Variants in MATN4 observed in about 807,000 individuals in gnomAD.
MATN4 encodes matrilin 4, also known as matrilin-4.
Under a neutral mutation model 54.6 loss-of-function variants are expected in MATN4, and 40 were observed. That is an observed-to-expected ratio of 0.73 (90% CI 0.57 to 0.95). The LOEUF is 0.95. MATN4 is among the 40% of genes least tolerant of loss of function. MATN4 has a pLI of 0.00. For missense variants in MATN4, 810 were observed against 819.1 expected (o/e 0.99, Z 0.13); for synonymous variants, 351 against 345.3 (o/e 1.02, Z -0.18).
chr20:45,298,402 AGGGAACTC>A lies in MATN4; in HGVS notation c.1186_1193del (p.Glu396SerfsTer50). On this transcript the variant is annotated frameshift_variant, in exon 7 of 10. Coordinates refer to ENST00000372756, the MANE Select transcript of MATN4 (RefSeq NM_001393530.1). LOFTEE classifies it high-confidence loss of function. This position sits in a 1 kb window ranked among gnomAD's most constrained non-coding sequence, Gnocchi z 4.6. The stretch of plus-strand genomic sequence containing the variant: ...CGGCTGCGGTGCCGTAGCGACCCAG[AGGGAACTC>A]GGTGCGCACGCGGCTCGAGAACTGC... The A allele has an allele frequency of 6.2e-7, 1 of 1,612,770 alleles. No homozygotes were observed.
intron 1 of MATN4, among the ~76,000 whole-genome samples, chr20:45,307,775 A>C (rs1223264839): frequency 6.6e-6 from 1 of 152,206 alleles, no homozygotes; most frequent in African/African-American, 2.4e-5. Context: ...GTCTTGCTGA[A>C]GGGTACATGG....
intron 6 of MATN4, among the ~76,000 whole-genome samples, chr20:45,300,259 G>A (rs1451595096): frequency 6.6e-6 from 1 of 152,156 alleles, no homozygotes; most frequent in Non-Finnish European, 1.5e-5. Flanking sequence ...TTGGGATCTG[G>A]GGAGATCCTG....
chr20:45,305,755 GAATTA>G (rs1986579642), intron 1 of MATN4, 139 bp from the exon 2 acceptor site: 1 of 283,186 alleles, frequency 3.5e-6, no homozygotes, highest in Admixed American at 5.3e-5. Flanking sequence ...AAATGTTTCA[GAATTA>G]AAAAATTCTC....
Position 45,298,594 on chromosome 20 carries a change from A to G in MATN4, c.1013-11T>C. 5 of 1,522,678 alleles carry G rather than the reference A, an allele frequency of 3.3e-6. No homozygotes were observed. The highest frequency in any genetic ancestry group is 4.4e-6 in the Non-Finnish European group (5 of 1,133,732). 94.3% of individuals were successfully genotyped at this position (1,522,678 alleles called of 1,614,324 possible). On this transcript the variant is annotated splice_polypyrimidine_tract_variant and intron_variant, in intron 6 of 9. Coordinates refer to ENST00000372756, the MANE Select transcript of MATN4 (RefSeq NM_001393530.1). The surrounding 1 kb of genome is among the most constrained non-coding windows in gnomAD (Gnocchi z 4.6). Reference sequence around the variant, plus strand: ...GGCCTTCCCGGCACCCTGCACAGCCAGAAAAGCTTGAATTGAGGGACCAGA... The same window carrying G: ...GGCCTTCCCGGCACCCTGCACAGCCGGAAAAGCTTGAATTGAGGGACCAGA...
chr20:45,295,290 C>T (rs192574108), intron 8 of MATN4, among the ~76,000 whole-genome samples: 19 of 152,326 alleles, frequency 1.2e-4, no homozygotes, highest in African/African-American at 4.6e-4. Context: ...GTCCTTGGAC[C>T]AGCAGCATCG....
intron 1 of MATN4, chr20:45,306,860 G>T: frequency 8.2e-7 from 1 of 1,215,354 alleles, no homozygotes; most frequent in East Asian, 3.1e-5. Flanking sequence ...GGGTTCCAGC[G>T]ACAGCAGCAC....
Position 45,303,103 on chromosome 20 carries a change from A to AG in MATN4, c.643+1124_643+1125insC, listed in dbSNP as rs1436306279. The stretch of plus-strand genomic sequence containing the variant: ...GTCTCAAAAAAAAAAAAAAAAAAAA[A>AG]AGAGAGAGAGAAAAGAAAAGAAGAA... On this transcript the variant is annotated intron_variant, in intron 3 of 9. Coordinates refer to ENST00000372756, the MANE Select transcript of MATN4 (RefSeq NM_001393530.1). Among the ~76,000 whole-genome samples the AG allele has an allele frequency of 1.0e-3, 89 of 87,428 alleles. 1 individual carries two copies. The highest frequency in any genetic ancestry group is 1.5e-3 in the Non-Finnish European group (63 of 40,784). The allele number at this position is 87,428 out of a possible 152,430, so 57.4% of individuals were successfully genotyped here. A position where few individuals can be genotyped will look rare whatever the true frequency, so the allele number is the denominator to read the frequency against.
chr20:45,306,049 CCCACCTCGG>C (rs1986640089), intron 1 of MATN4, among the ~76,000 whole-genome samples: 1 of 152,010 alleles, frequency 6.6e-6, no homozygotes, highest in South Asian at 2.1e-4. Flanking sequence ...AGGTGATCCT[CCCACCTCGG>C]CCTCCCAGAA....
At chr20:45,303,634 G>T in intron 3 of MATN4, 3 of 608,846 alleles carry the variant, frequency 4.9e-6, no homozygotes, top group Non-Finnish European at 9.1e-6. Context: ...AGAAGGAAAT[G>T]ACTAATTTGA....
chr20:45,308,512 G>A, upstream of MATN4: 1 of 509,706 alleles, frequency 2.0e-6, no homozygotes, highest in Non-Finnish European at 3.6e-6. Flanking sequence ...AGACTGGGGA[G>A]ACCGGGGCAG....
At chr20:45,308,327 T>A, upstream of MATN4, 1 of 994,280 alleles carries the variant, frequency 1.0e-6, no homozygotes, top group Non-Finnish European at 1.6e-6. Flanking sequence ...CGGCCGCATT[T>A]AACCCAGGGC....
intron 6 of MATN4, among the ~76,000 whole-genome samples, chr20:45,299,307 G>A (rs1481501180): frequency 1.3e-5 from 2 of 152,186 alleles, no homozygotes; most frequent in Non-Finnish European, 2.9e-5. Flanking sequence ...GAGCAAGTCA[G>A]ACATGCTATG....
Position 45,305,533 on chromosome 20 carries a change from C to T in MATN4, c.50G>A (p.Trp17Ter). 2 of 1,557,330 alleles carry T rather than the reference C, an allele frequency of 1.3e-6. No homozygotes were observed. Among genetic ancestry groups the T allele is most frequent in the Non-Finnish European group, 8.7e-7 (1 of 1,150,390 alleles). Reference protein sequence around the residue: ...WPVLLLLLQPWETQLQLTGPR... With the variant: ...WPVLLLLLQP ...ACCTGTCAACTGGAGCTGGGTTTCC[C>T]AGGGCTGAAGAAGGAGCAGCAACAC... Residue 17 changes from tryptophan to a stop codon, truncating the protein, a stop_gained, in exon 2 of 10, where the codon TGG becomes TAG. Coordinates refer to ENST00000372756, the MANE Select transcript of MATN4 (RefSeq NM_001393530.1). LOFTEE classifies it high-confidence loss of function.
rs772922887 is a variant in MATN4, at chr20:45,298,220, C to T, written c.1376G>A (p.Gly459Asp). ...VPRVGLVFTDGRSQDDISVWA... is the reference protein window; with the variant it reads ...VPRVGLVFTDDRSQDDISVWA... ...CACCGAGATGTCATCCTGGGAGCGGCCATCCGTGAAGACCAGGCCAACACG... is the reference window on the plus strand; with the variant it reads ...CACCGAGATGTCATCCTGGGAGCGGTCATCCGTGAAGACCAGGCCAACACG... The change falls in exon 7 of 10, where the codon GGC (glycine) becomes GAC (aspartate). Residue 459 changes from glycine to aspartate, a missense_variant. Gly to Asp is a moderately conservative substitution (Grantham distance 94). Coordinates refer to ENST00000372756, the MANE Select transcript of MATN4 (RefSeq NM_001393530.1). This position sits in a 1 kb window ranked among gnomAD's most constrained non-coding sequence, Gnocchi z 4.6. The T allele has an allele frequency of 5.6e-6, 9 of 1,605,554 alleles. No individual in the cohort carries two copies. In the East Asian group the frequency reaches 2.0e-4, roughly 36 times the overall value.
chr20:45,293,707 G>A lies in MATN4; in HGVS notation c.*60C>T. The stretch of plus-strand genomic sequence containing the variant: ...TGCCTGGCCCCGGCGCACCGATGGC[G>A]CGCAAGGGGCACCGTCCGTGGTGCC... On this transcript the variant is annotated 3_prime_UTR_variant, in exon 10 of 10. Coordinates refer to ENST00000372756, the MANE Select transcript of MATN4 (RefSeq NM_001393530.1). 6.8e-7 allele frequency: 1 copy of A among 1,471,944 alleles called. No individual in the cohort carries two copies. The allele number at this position is 1,471,944 out of a possible 1,614,324, so 91.2% of individuals were successfully genotyped here. A position where few individuals can be genotyped will look rare whatever the true frequency, so the allele number is the denominator to read the frequency against.
chr20:45,304,112 A>T, intron 3 of MATN4, 116 bp downstream of exon 3: 2 of 900,058 alleles, frequency 2.2e-6, no homozygotes, highest in Non-Finnish European at 3.2e-6. Flanking sequence ...GGTCAGGGCA[A>T]CTCTACCTGG....
At chr20:45,303,921 G>A (rs1271953099) in intron 3 of MATN4, among the ~76,000 whole-genome samples, 1 of 152,238 alleles carries the variant, frequency 6.6e-6, no homozygotes, top group East Asian at 1.9e-4. Flanking sequence ...ACTCTTTGGA[G>A]CAGCCGATCC....
At position 45,304,391 on chromosome 20, in the gene MATN4, C is replaced by T. The variant is rs192452456; in HGVS notation, c.480G>A (p.Gln160=). Residue 160 remains glutamine, a synonymous_variant, in exon 3 of 10, where the codon CAG becomes CAA. Transcript: ENST00000372756. ...PQDRVAEVAA[Q]ARARGIEIYA... ...AAATTTCAATGCCGCGGGCGCGCGC[C>T]TGTGCCGCCACCTCGGCCACGCGGT... 8.8e-5 allele frequency: 132 copies of T among 1,504,402 alleles called. No individual in the cohort carries two copies. The East Asian group carries it at 3.0e-3, about 34-fold the overall frequency. 93.2% of individuals were successfully genotyped at this position (1,504,402 alleles called of 1,614,324 possible). A position where few individuals can be genotyped will look rare whatever the true frequency, so the allele number is the denominator to read the frequency against.
chr20:45,304,802 G>T lies in MATN4; in HGVS notation c.74-5C>A. On this transcript the variant is annotated splice_region_variant and splice_polypyrimidine_tract_variant and intron_variant, in intron 2 of 9. Transcript: ENST00000372756. ...GCCCAGTGTGACACCTGGGACCTGCGGGGAGATCAGGGAGGACTCTCCTAG... is the reference window on the plus strand; with the variant it reads ...GCCCAGTGTGACACCTGGGACCTGCTGGGAGATCAGGGAGGACTCTCCTAG... 1 of 1,556,626 alleles carries T rather than the reference G, an allele frequency of 6.4e-7. No homozygotes were observed. The highest frequency in any genetic ancestry group is 1.2e-5 in the South Asian group (1 of 85,070).
Sources: allele counts gnomAD v4.1 joint callset (sites outside exome capture counted in the v4.1 genomes callset), GRCh38; gene constraint gnomAD v4.1.1; non-coding constraint Gnocchi (gnomAD v3.1); transcripts MANE v1.5; gene names NCBI Gene and HGNC (gene_info 2026-07-23, HGNC 2026-07-21).